The following RANBP10 variants were observed in gnomAD, a reference collection of about 807,000 sequenced individuals.
The protein encoded by RANBP10 is ran-binding protein 10.
RANBP10 carries 24 observed loss-of-function variants against 72.8 expected under a neutral mutation model. The ratio of observed to expected loss-of-function variants is 0.33; its 90% CI spans 0.24 to 0.46. The LOEUF is 0.46. Ranked by LOEUF, RANBP10 falls within the 20% of genes least tolerant of loss-of-function variation. The pLI, the probability that RANBP10 is intolerant of heterozygous loss-of-function variation, is 1.00. For synonymous variants in RANBP10, 310 were observed against 322.3 expected (o/e 0.96, Z 0.41); for missense variants, 679 against 817.5 (o/e 0.83, Z 2.07).
intron 3 of RANBP10, among the ~76,000 whole-genome samples, chr16:67,761,121 C>T (rs1159081723): frequency 6.6e-6 from 1 of 152,200 alleles, no homozygotes; most frequent in Admixed American, 6.5e-5. Flanking sequence ...GGGGCCACAC[C>T]CGTTCCTTGG....
Position 67,726,505 on chromosome 16 carries a change from A to T in RANBP10, c.1786T>A (p.Ser596Thr). The change falls in exon 14 of 14, where the codon TCT becomes ACT. Residue 596 changes from serine to threonine, a missense_variant. By Grantham distance (58) the Ser-to-Thr change is moderately conservative. Transcript: ENST00000317506. The part of the protein sequence containing the change: ...PPLMLALGQA[S>T]ECLRLMARAG... ...CGGGCCATGAGCCGGAGACACTCAG[A>T]TGCCTGGCCCAGGGCGAGCATCAGA... 1 of 1,589,240 alleles carries T rather than the reference A, an allele frequency of 6.3e-7. No individual in the cohort carries two copies. Among genetic ancestry groups the T allele is most frequent in the Non-Finnish European group, 8.6e-7 (1 of 1,167,696 alleles).
At chr16:67,797,657 A>C (rs1435470008) in intron 2 of RANBP10, among the ~76,000 whole-genome samples, 1 of 151,942 alleles carries the variant, frequency 6.6e-6, no homozygotes, top group African/African-American at 2.4e-5. Flanking sequence ...TAAAAATACC[A>C]AAATTAGCCA....
At chr16:67,787,720 G>A (rs915864786) in intron 2 of RANBP10, among the ~76,000 whole-genome samples, 1 of 152,170 alleles carries the variant, frequency 6.6e-6, no homozygotes, top group African/African-American at 2.4e-5. Flanking sequence ...TGAAGTTCTA[G>A]GCTGGGTATG....
intron 2 of RANBP10, among the ~76,000 whole-genome samples, chr16:67,776,461 C>CAAAAAA (rs149876935): frequency 7.7e-4 from 29 of 37,892 alleles, no homozygotes; most frequent in East Asian, 1.1e-3. Context: ...GACTCCATCT[C>CAAAAAA]AAAAAAAAAA....
chr16:67,803,755 G>A (rs1023489366), intron 2 of RANBP10, among the ~76,000 whole-genome samples: 3 of 149,874 alleles, frequency 2.0e-5, no homozygotes, highest in African/African-American at 7.4e-5. Flanking sequence ...CCAGAAGGTC[G>A]AGGCTGCAGT....
intron 5 of RANBP10, 74 bp downstream of exon 5, chr16:67,737,939 T>C: frequency 6.6e-7 from 1 of 1,505,568 alleles, no homozygotes; most frequent in Non-Finnish European, 9.1e-7. Flanking sequence ...ACCCTGCACT[T>C]GCAGGTACCA....
chr16:67,745,149 T>G (rs2054046522), intron 3 of RANBP10, among the ~76,000 whole-genome samples: 2 of 151,292 alleles, frequency 1.3e-5, no homozygotes, highest in Admixed American at 6.6e-5. Context: ...CTAATTTTTT[T>G]GTATTTTTAG....
intron 3 of RANBP10, among the ~76,000 whole-genome samples, chr16:67,745,954 C>G: frequency 6.6e-6 from 1 of 151,600 alleles, no homozygotes; most frequent in East Asian, 2.0e-4. Context: ...GTCGGGAGTT[C>G]AAGACAAGCC....
intron 2 of RANBP10, among the ~76,000 whole-genome samples, chr16:67,788,690 C>T (rs1483622288): frequency 6.6e-6 from 1 of 151,640 alleles, no homozygotes; most frequent in Non-Finnish European, 1.5e-5. Context: ...GCTCCTGCCC[C>T]CAAAATTTTT....
chr16:67,795,145 G>A (rs1011503295), intron 2 of RANBP10, among the ~76,000 whole-genome samples: 8 of 151,940 alleles, frequency 5.3e-5, no homozygotes, highest in Non-Finnish European at 1.2e-4. Context: ...AGCTACTCAG[G>A]AGGCTGAGGT....
chr16:67,745,160 T>C (rs947492947), intron 3 of RANBP10, among the ~76,000 whole-genome samples: 4 of 151,386 alleles, frequency 2.6e-5, no homozygotes, highest in Admixed American at 2.0e-4. Flanking sequence ...GTATTTTTAG[T>C]AGAGAGGGGG....
chr16:67,780,860 G>A (rs1597900226), intron 2 of RANBP10, among the ~76,000 whole-genome samples: 1 of 152,366 alleles, frequency 6.6e-6, no homozygotes, highest in South Asian at 2.1e-4. Flanking sequence ...TGGAGCCAAA[G>A]TGCTCAGTCA....
chr16:67,802,645 A>T (rs1018240583), intron 2 of RANBP10, among the ~76,000 whole-genome samples: 1 of 152,186 alleles, frequency 6.6e-6, no homozygotes, highest in Admixed American at 6.6e-5. Context: ...GCAAATAAAT[A>T]AATTAATTAA....
chr16:67,742,792 T>C (rs541771209), intron 4 of RANBP10, among the ~76,000 whole-genome samples: 2 of 152,258 alleles, frequency 1.3e-5, no homozygotes, highest in South Asian at 2.1e-4. Flanking sequence ...GAGCCCACAA[T>C]AGTGGCCCCT....
At chr16:67,727,202 A>G in intron 13 of RANBP10, 125 bp downstream of exon 13, 1 of 914,578 alleles carries the variant, frequency 1.1e-6, no homozygotes, top group East Asian at 2.7e-5. Flanking sequence ...CTGAGGCACG[A>G]AAATTGCTTA....
rs931330962 is a variant in RANBP10, at chr16:67,727,877, C to T, written c.1494G>A (p.Arg498=). ...CAGCCTGGTTGCCCCCGCAGAGCTG[C>T]CGCCGAGGATGCCTGTCATCTGCAT... ...ESSMDDRHPR[R]QLCGGNQAAT... Residue 498 remains arginine, a synonymous_variant, in exon 12 of 14, where the codon CGG becomes CGA. Transcript: ENST00000317506. The T allele has an allele frequency of 1.9e-6, 3 of 1,613,934 alleles. No homozygotes were observed. In the African/African-American group the frequency reaches 4.0e-5, roughly 22 times the overall value.
intron 3 of RANBP10, among the ~76,000 whole-genome samples, chr16:67,769,458 AAAAAG>A (rs1412926226): frequency 2.2e-5 from 3 of 138,362 alleles, no homozygotes; most frequent in South Asian, 2.4e-4. Flanking sequence ...AAAAAAAAAA[AAAAAG>A]TGCTGGGCGC....
Position 67,738,046 on chromosome 16 carries a change from A to G in RANBP10, c.569-11T>C. ...CTGTGAAGGCTATACCTGTGGGGGG[A>G]AAGGAACAGTCATCAGGGCCAGCCC... is the stretch of plus-strand genomic sequence containing the variant. On this transcript the variant is annotated splice_polypyrimidine_tract_variant and intron_variant, in intron 4 of 13. Coordinates refer to ENST00000317506, the MANE Select transcript of RANBP10 (RefSeq NM_020850.3). 1.3e-6 allele frequency: 2 copies of G among 1,587,226 alleles called. No homozygotes were observed. Among genetic ancestry groups the G allele is most frequent in the Non-Finnish European group, 1.7e-6 (2 of 1,165,552 alleles).
chr16:67,787,173 A>G (rs2054931666), intron 2 of RANBP10, among the ~76,000 whole-genome samples: 1 of 151,976 alleles, frequency 6.6e-6, no homozygotes, highest in African/African-American at 2.4e-5. Flanking sequence ...CGGGAGGCAA[A>G]AGTTCCAATG....
Sources: gnomAD v4.1 joint callset for allele counts (sites outside exome capture counted in the v4.1 genomes callset) on GRCh38, gnomAD v4.1.1 for gene constraint, MANE v1.5 for transcripts, NCBI Gene and HGNC (gene_info 2026-07-23, HGNC 2026-07-21) for gene names.